Variants in GFPT2 observed in about 807,000 individuals in gnomAD.
GFPT2 encodes glutamine--fructose-6-phosphate aminotransferase [isomerizing] 2.
In GFPT2, 62 loss-of-function variants were observed where a neutral mutation model predicts 85.6. The observed-to-expected ratio is 0.72, with a 90% confidence interval of 0.59 to 0.90. The LOEUF (loss-of-function observed/expected upper bound fraction) is 0.90, where lower values mean the gene tolerates loss of function less well. GFPT2 is among the 40% of genes least tolerant of loss of function. GFPT2 has a pLI of 0.00. For missense variants in GFPT2, 788 were observed against 893.4 expected, an observed-to-expected ratio of 0.88 and a Z score of 1.50; for synonymous variants, 368 against 344.5, an observed-to-expected ratio of 1.07 and a Z score of -0.75.
At chr5:180,307,407 T>A (rs1763803731) in intron 15 of GFPT2, 104 bp from the exon 16 acceptor site, 1 of 1,121,468 alleles carries the variant, frequency 8.9e-7, no homozygotes, top group South Asian at 1.4e-5. Flanking sequence ...TGAAACCGCA[T>A]CACTTAGCAC....
intron 16 of GFPT2, 58 bp downstream of exon 16, chr5:180,307,118 C>T: frequency 1.4e-6 from 2 of 1,443,908 alleles, no homozygotes; most frequent in African/African-American, 2.8e-5. Flanking sequence ...CCCGCTGGCT[C>T]CTCAGGGTCT....
chr5:180,353,196 G>A lies in GFPT2; in HGVS notation c.7+15C>T. 8.1e-7 allele frequency: 1 copy of A among 1,236,038 alleles called. No homozygotes were observed. The allele number at this position is 1,236,038 out of a possible 1,614,324, so 76.6% of individuals were successfully genotyped here. A position where few individuals can be genotyped will look rare whatever the true frequency, so the allele number is the denominator to read the frequency against. ...ACGGCGTGGAGGAGGCGGCTCGGGCGGGCGCGGCACTCACCGCACATCGTG... is the reference window on the plus strand; with the variant it reads ...ACGGCGTGGAGGAGGCGGCTCGGGCAGGCGCGGCACTCACCGCACATCGTG... On this transcript the variant is annotated intron_variant, in intron 1 of 18. Transcript: ENST00000253778.
rs947850125 is a variant in GFPT2 at position 180,313,879 on chromosome 5, G to T, written c.1359C>A (p.Ser453Arg). 8 of 1,606,270 alleles carry T rather than the reference G, an allele frequency of 5.0e-6. No individual in the cohort carries two copies. Among genetic ancestry groups the T allele is most frequent in the East Asian group, 2.2e-5 (1 of 44,790 alleles). The change falls in exon 14 of 19, where the codon AGC becomes AGA. Residue 453 changes from serine (S) to arginine (R), a missense_variant. By Grantham distance (110) the Ser-to-Arg change is moderately radical. Coordinates refer to ENST00000253778, the MANE Select transcript of GFPT2 (RefSeq NM_005110.4). ...LTVGVTNTVG[S>R]SISRETDCGV... is the part of the protein sequence containing the mutation. Reference sequence around the variant, plus strand: ...CGCAGTCGGTCTCGCGAGAGATGGAGCTGCCCACGGTGTTGGTGACGCCCA... The same window carrying T: ...CGCAGTCGGTCTCGCGAGAGATGGATCTGCCCACGGTGTTGGTGACGCCCA...
In GFPT2 at chr5:180,323,380, A is replaced by G. The variant is rs1764157996; in HGVS notation, c.794+808T>C. ...CCTGGTGTCCTCCCTGCCTCACAGCACGGCCCTATTAGAGGCTGGTCGGGA... is the reference window on the plus strand; with the variant it reads ...CCTGGTGTCCTCCCTGCCTCACAGCGCGGCCCTATTAGAGGCTGGTCGGGA... On this transcript the variant is annotated intron_variant, in intron 9 of 18. Coordinates refer to ENST00000253778, the MANE Select transcript of GFPT2 (RefSeq NM_005110.4). This position sits in a 1 kb window ranked among gnomAD's most constrained non-coding sequence, Gnocchi z 4.0. Among the ~76,000 whole-genome samples the G allele has an allele frequency of 6.6e-6, 1 of 152,086 alleles. No individual in the cohort carries two copies. Among genetic ancestry groups the G allele is most frequent in the Non-Finnish European group, 1.5e-5 (1 of 68,018 alleles).
intron 1 of GFPT2, among the ~76,000 whole-genome samples, chr5:180,351,663 C>G (rs1038613751): frequency 3.3e-5 from 5 of 152,166 alleles, no homozygotes; most frequent in Non-Finnish European, 7.3e-5. Context: ...GGAGACAACG[C>G]GTGTGTGTCC....
intron 1 of GFPT2, among the ~76,000 whole-genome samples, chr5:180,347,901 G>T (rs1764639844): frequency 6.6e-6 from 1 of 152,162 alleles, no homozygotes; most frequent in East Asian, 1.9e-4. Flanking sequence ...CCCACGTTCT[G>T]ATTCTGGTGA....
At chr5:180,349,905 T>G (rs1256498093) in intron 1 of GFPT2, among the ~76,000 whole-genome samples, 1 of 151,718 alleles carries the variant, frequency 6.6e-6, no homozygotes, top group Admixed American at 6.6e-5. Context: ...CCTCACAGAT[T>G]ACTAAGTGCA....
At chr5:180,350,932 C>G (rs1764699576) in intron 1 of GFPT2, among the ~76,000 whole-genome samples, 1 of 152,216 alleles carries the variant, frequency 6.6e-6, no homozygotes, top group African/African-American at 2.4e-5. Context: ...CCCAGGAGAT[C>G]TGAGACCCGA....
intron 17 of GFPT2, among the ~76,000 whole-genome samples, chr5:180,303,700 C>G (rs920235010): frequency 6.6e-6 from 1 of 152,306 alleles, no homozygotes; most frequent in East Asian, 1.9e-4. Context: ...GAACTCTGCC[C>G]TCCTACCTCA....
chr5:180,330,015 T>G lies in GFPT2; in HGVS notation c.534+685A>C, dbSNP rs1476663490. ...TTCCGTTCCACATACAGACATGCTG[T>G]GATATCACCTATCACAAAAACAGGC... is the stretch of plus-strand genomic sequence containing the variant. On this transcript the variant is annotated intron_variant, in intron 6 of 18. Transcript: ENST00000253778. This position sits in a 1 kb window ranked among gnomAD's most constrained non-coding sequence, Gnocchi z 4.4. Among the ~76,000 whole-genome samples, 1 of 152,206 alleles carries G rather than the reference T, an allele frequency of 6.6e-6. No homozygotes were observed. Among genetic ancestry groups the G allele is most frequent in the East Asian group, 1.9e-4 (1 of 5,188 alleles).
chr5:180,313,571 C>T (rs1035595840), intron 14 of GFPT2, among the ~76,000 whole-genome samples: 3 of 150,122 alleles, frequency 2.0e-5, no homozygotes, highest in Non-Finnish European at 4.4e-5. Flanking sequence ...GCCTGGGCGA[C>T]AGAGTGAGAC....
At chr5:180,305,803 TC>T (rs1763765373) in intron 16 of GFPT2, among the ~76,000 whole-genome samples, 1 of 152,128 alleles carries the variant, frequency 6.6e-6, no homozygotes, top group Admixed American at 6.6e-5. Flanking sequence ...TCTACTGCAC[TC>T]CAAGAAGCAG....
intron 14 of GFPT2, among the ~76,000 whole-genome samples, chr5:180,313,318 A>G (rs908033132): frequency 2.0e-5 from 3 of 151,674 alleles, no homozygotes; most frequent in Non-Finnish European, 4.4e-5. Flanking sequence ...GGGGCCGGGC[A>G]CGGGGGCTCA....
intron 1 of GFPT2, among the ~76,000 whole-genome samples, chr5:180,347,714 C>T (rs891361140): frequency 6.6e-6 from 1 of 152,090 alleles, no homozygotes; most frequent in African/African-American, 2.4e-5. Context: ...ACGACAATGG[C>T]CAGCGCAGGG....
At chr5:180,336,647 G>A (rs987472388) in intron 2 of GFPT2, 70 bp from the exon 3 acceptor site, 7 of 1,007,764 alleles carry the variant, frequency 6.9e-6, no homozygotes, top group African/African-American at 3.1e-5. Context: ...CAGGTGCTCC[G>A]CAGGGTCAGG....
chr5:180,328,272 C>G lies in GFPT2; in HGVS notation c.596+5G>C, dbSNP rs1266107889. ...TATGGGAAATGCCAGTGTGTTTTGCCTCACCGTGTGGCAACGGCTTCTCCT... is the reference window on the plus strand; with the variant it reads ...TATGGGAAATGCCAGTGTGTTTTGCGTCACCGTGTGGCAACGGCTTCTCCT... On this transcript the variant is annotated splice_donor_5th_base_variant and intron_variant, in intron 7 of 18. Coordinates refer to ENST00000253778, the MANE Select transcript of GFPT2 (RefSeq NM_005110.4). This position sits in a 1 kb window ranked among gnomAD's most constrained non-coding sequence, Gnocchi z 5.4. 13 of 1,604,712 alleles carry G rather than the reference C, an allele frequency of 8.1e-6. No homozygotes were observed. The highest frequency in any genetic ancestry group is 1.0e-5 in the Non-Finnish European group (12 of 1,171,438).
intron 17 of GFPT2, among the ~76,000 whole-genome samples, chr5:180,304,323 G>C (rs939108935): frequency 6.6e-6 from 1 of 152,214 alleles, no homozygotes; most frequent in African/African-American, 2.4e-5. Context: ...TGGATTCATA[G>C]TCAGTTGCTC....
chr5:180,336,830 C>A (rs576026479), intron 2 of GFPT2, among the ~76,000 whole-genome samples: 1 of 152,242 alleles, frequency 6.6e-6, no homozygotes, highest in Non-Finnish European at 1.5e-5. Context: ...CTAGGGTGAG[C>A]CCCTCGGGAC....
chr5:180,352,228 A>G (rs1581394059), intron 1 of GFPT2: 1 of 354,344 alleles, frequency 2.8e-6, no homozygotes, highest in Non-Finnish European at 5.4e-6. Flanking sequence ...CCGCGGGCGC[A>G]CCCCACCCCG....
Sources: gnomAD v4.1 joint callset for allele counts (sites outside exome capture counted in the v4.1 genomes callset) on GRCh38, gnomAD v4.1.1 for gene constraint, Gnocchi (gnomAD v3.1) non-coding constraint, MANE v1.5 for transcripts, NCBI Gene and HGNC (gene_info 2026-07-23, HGNC 2026-07-21) for gene names.